The following WDR70 variants were observed in gnomAD, a reference collection of about 807,000 sequenced individuals.
The protein encoded by WDR70 is WD repeat domain 70.
A neutral mutation model predicts 88.6 loss-of-function variants in WDR70; 53 were observed. That is an observed-to-expected ratio of 0.60 (90% CI 0.48 to 0.75). The LOEUF (loss-of-function observed/expected upper bound fraction) is 0.75. Ranked by LOEUF, WDR70 falls within the 30% of genes least tolerant of loss-of-function variation. The pLI, the probability that WDR70 is intolerant of heterozygous loss-of-function variation, is 0.00. For missense variants in WDR70, 610 were observed against 823.2 expected (o/e 0.74, Z 3.17); for synonymous variants, 280 against 270.0 (o/e 1.04, Z -0.36).
At chr5:37,534,346 C>T (rs1342416616) in intron 9 of WDR70, among the ~76,000 whole-genome samples, 2 of 152,180 alleles carry the variant, frequency 1.3e-5, no homozygotes, top group African/African-American at 4.8e-5. Context: ...TAAAGTTCCA[C>T]AGGTGTGACA....
intron 7 of WDR70, among the ~76,000 whole-genome samples, chr5:37,448,189 A>C (rs4869510): frequency 6.6e-6 from 1 of 152,190 alleles, no homozygotes; most frequent in South Asian, 2.1e-4. Context: ...TATTCTTTTC[A>C]ATGTTTAAAT....
chr5:37,388,104 A>G (rs1257691701), intron 3 of WDR70, among the ~76,000 whole-genome samples: 1 of 151,982 alleles, frequency 6.6e-6, no homozygotes, highest in East Asian at 1.9e-4. Context: ...TATGTGTAGG[A>G]CATATGAAAT....
intron 10 of WDR70, among the ~76,000 whole-genome samples, chr5:37,689,666 A>G (rs553039996): frequency 1.3e-5 from 2 of 152,120 alleles, no homozygotes; most frequent in African/African-American, 4.8e-5. Context: ...TAGCATCAAC[A>G]TAAACAAAAA....
chr5:37,659,311 T>C (rs993424329), intron 10 of WDR70, among the ~76,000 whole-genome samples: 7 of 152,234 alleles, frequency 4.6e-5, no homozygotes, highest in Non-Finnish European at 7.3e-5. Flanking sequence ...ACTATGGAAG[T>C]CATAATTTGA....
chr5:37,672,394 G>A (rs1319718634), intron 10 of WDR70, among the ~76,000 whole-genome samples: 1 of 152,118 alleles, frequency 6.6e-6, no homozygotes, highest in Non-Finnish European at 1.5e-5. Context: ...TCTCCTGCAT[G>A]TCCCTGGGAA....
chr5:37,687,985 C>T (rs1284225263), intron 10 of WDR70: 2 of 685,288 alleles, frequency 2.9e-6, no homozygotes, highest in African/African-American at 3.5e-5. Flanking sequence ...GATGTGAATC[C>T]ACTGGACTCT....
chr5:37,445,425 T>C (rs1738432871), intron 7 of WDR70, among the ~76,000 whole-genome samples: 1 of 152,166 alleles, frequency 6.6e-6, no homozygotes, highest in African/African-American at 2.4e-5. Context: ...TATTCTGTTA[T>C]TTCATCTGCA....
chr5:37,506,950 AC>A, intron 8 of WDR70: 1 of 717,968 alleles, frequency 1.4e-6, no homozygotes, highest in Non-Finnish European at 2.5e-6. Context: ...CCTTCCCTCC[AC>A]CCACTTGGAT....
intron 7 of WDR70, among the ~76,000 whole-genome samples, chr5:37,462,442 A>G (rs937925004): frequency 6.6e-6 from 1 of 152,070 alleles, no homozygotes; most frequent in African/African-American, 2.4e-5. Context: ...AGCTGGGACT[A>G]CAGGCGCCTG....
intron 10 of WDR70, among the ~76,000 whole-genome samples, chr5:37,625,625 A>G (rs1180584282): frequency 6.6e-6 from 1 of 152,038 alleles, no homozygotes; most frequent in Non-Finnish European, 1.5e-5. Flanking sequence ...CCCGGGTTCA[A>G]GCAATTCTCC....
chr5:37,455,636 CTT>C (rs59254502), intron 7 of WDR70, among the ~76,000 whole-genome samples: 12 of 70,440 alleles, frequency 1.7e-4, no homozygotes, highest in East Asian at 1.3e-3. Flanking sequence ...TTCTCTTTAT[CTT>C]TTTTTTTTTT....
At chr5:37,725,347 G>T (rs1747941083) in intron 16 of WDR70, among the ~76,000 whole-genome samples, 1 of 151,894 alleles carries the variant, frequency 6.6e-6, no homozygotes, top group African/African-American at 2.4e-5. Flanking sequence ...GGGGCTCAGT[G>T]GACCTTGGAA....
chr5:37,575,153 A>G (rs1361559216), intron 9 of WDR70, among the ~76,000 whole-genome samples: 1 of 152,220 alleles, frequency 6.6e-6, no homozygotes, highest in Non-Finnish European at 1.5e-5. Flanking sequence ...ATGTATAAAG[A>G]TTGAATGAAT....
At chr5:37,470,771 T>C (rs921354763) in intron 7 of WDR70, among the ~76,000 whole-genome samples, 6 of 152,224 alleles carry the variant, frequency 3.9e-5, no homozygotes, top group Admixed American at 2.0e-4. Context: ...GAGTAGTTTT[T>C]CTGTGAACAT....
chr5:37,564,829 A>C (rs549188333), intron 9 of WDR70, among the ~76,000 whole-genome samples: 2 of 152,314 alleles, frequency 1.3e-5, no homozygotes, highest in Non-Finnish European at 2.9e-5. Context: ...TTTCACTTAC[A>C]GCCTTTTTTT....
chr5:37,516,773 G>A (rs1048210891), intron 9 of WDR70, among the ~76,000 whole-genome samples, 183 bp downstream of exon 9: 7 of 149,066 alleles, frequency 4.7e-5, no homozygotes, highest in Admixed American at 6.7e-5. Flanking sequence ...CCAGGCTGGA[G>A]TGCAGTGGTA....
chr5:37,521,712 AC>A (rs1741095792), intron 9 of WDR70, among the ~76,000 whole-genome samples: 1 of 142,214 alleles, frequency 7.0e-6, no homozygotes, highest in Non-Finnish European at 1.5e-5. Context: ...ATACACACAC[AC>A]ACACACACAC....
intron 7 of WDR70, among the ~76,000 whole-genome samples, chr5:37,461,496 C>G (rs1739002059): frequency 6.6e-6 from 1 of 151,542 alleles, no homozygotes; most frequent in African/African-American, 2.4e-5. Context: ...AACTGTGCAA[C>G]AGAGTGAGAC....
At chr5:37,457,688 A>G (rs1738885157) in intron 7 of WDR70, among the ~76,000 whole-genome samples, 1 of 152,146 alleles carries the variant, frequency 6.6e-6, no homozygotes, top group Non-Finnish European at 1.5e-5. Context: ...GAGTCTGATA[A>G]TATGTTCTTT....
Sources: gnomAD v4.1 joint callset for allele counts (sites outside exome capture counted in the v4.1 genomes callset) on GRCh38, gnomAD v4.1.1 for gene constraint, MANE v1.5 for transcripts, NCBI Gene and HGNC (gene_info 2026-07-23, HGNC 2026-07-21) for gene names.